The following C14orf39 variants were observed in gnomAD, a reference collection of about 807,000 sequenced individuals.
C14orf39 encodes protein SIX6OS1.
Under a neutral mutation model 85.6 loss-of-function variants are expected in C14orf39, and 66 were observed. The observed-to-expected ratio is 0.77, with a 90% CI of 0.63 to 0.95. The LOEUF (loss-of-function observed/expected upper bound fraction) is 0.95, where lower values mean the gene tolerates loss of function less well. Ranked by LOEUF, C14orf39 falls within the 40% of genes least tolerant of loss-of-function variation. C14orf39 has a pLI of 0.00. For synonymous variants in C14orf39, 242 were observed against 214.0 expected (o/e 1.13, Z -1.14); for missense variants, 735 against 663.9 (o/e 1.11, Z -1.18).
At chr14:60,508,766 G>A (rs1368031271) in intron 1 of C14orf39, among the ~76,000 whole-genome samples, 2 of 152,320 alleles carry the variant, frequency 1.3e-5, no homozygotes, top group South Asian at 4.1e-4. Flanking sequence ...GAGCATTTCA[G>A]TTTGGCCCAG....
At chr14:60,477,387 T>G (rs1469751798) in intron 5 of C14orf39, among the ~76,000 whole-genome samples, 1 of 152,206 alleles carries the variant, frequency 6.6e-6, no homozygotes, top group East Asian at 1.9e-4. Flanking sequence ...AAATAGATAC[T>G]GTTCTCATCC....
At chr14:60,474,849 G>C (rs1319788774) in intron 5 of C14orf39, among the ~76,000 whole-genome samples, 4 of 152,068 alleles carry the variant, frequency 2.6e-5, no homozygotes, top group African/African-American at 9.7e-5. Flanking sequence ...CAGGGATTTT[G>C]GTCTAAAATT....
At chr14:60,499,082 C>T (rs1336885321) in intron 2 of C14orf39, among the ~76,000 whole-genome samples, 2 of 151,990 alleles carry the variant, frequency 1.3e-5, no homozygotes, top group Non-Finnish European at 2.9e-5. Context: ...ATGGCAAAAC[C>T]CCATCTCTAC....
upstream of C14orf39, among the ~76,000 whole-genome samples, chr14:60,490,057 C>A (rs1892963100): frequency 6.6e-6 from 1 of 152,070 alleles, no homozygotes; most frequent in South Asian, 2.1e-4. Context: ...ATTTTTCTCC[C>A]ATCTCTCATA....
At position 60,456,911 on chromosome 14, in the gene C14orf39, T is replaced by C; in HGVS notation, c.1358+6A>G. On this transcript the variant is annotated splice_donor_region_variant and intron_variant, in intron 15 of 17. Transcript: ENST00000321731. Reference sequence around the variant, plus strand: ...ATTTAACAATAGTTATTAATTAAAATCCTACATTTCGAACGGGGGGGTTTT... The same window carrying C: ...ATTTAACAATAGTTATTAATTAAAACCCTACATTTCGAACGGGGGGGTTTT... The C allele has an allele frequency of 6.4e-7, 1 of 1,557,240 alleles. No individual in the cohort carries two copies. Among genetic ancestry groups the C allele is most frequent in the Non-Finnish European group, 8.6e-7 (1 of 1,157,242 alleles).
chr14:60,507,205 C>T (rs964451749), intron 1 of C14orf39, among the ~76,000 whole-genome samples: 8 of 152,174 alleles, frequency 5.3e-5, no homozygotes, highest in Non-Finnish European at 8.8e-5. Context: ...AAATAAACCT[C>T]TGCAAACTGG....
chr14:60,450,945 G>A (rs1891003414), intron 16 of C14orf39, among the ~76,000 whole-genome samples: 1 of 152,200 alleles, frequency 6.6e-6, no homozygotes, highest in Admixed American at 6.5e-5. Context: ...TATTGGGCTT[G>A]GAGCCCAAGT....
In C14orf39 at chr14:60,457,101, A is replaced by G; in HGVS notation, c.1180-6T>C. Reference sequence around the variant, plus strand: ...AAATGTTCAGTATATATAGCCTGCAAATTCAAAGTAACAGAAAACTATAAA... The same window carrying G: ...AAATGTTCAGTATATATAGCCTGCAGATTCAAAGTAACAGAAAACTATAAA... On this transcript the variant is annotated splice_region_variant and splice_polypyrimidine_tract_variant and intron_variant, in intron 14 of 17. Coordinates refer to ENST00000321731, the MANE Select transcript of C14orf39 (RefSeq NM_174978.3). The G allele has an allele frequency of 6.6e-7, 1 of 1,521,952 alleles. No homozygotes were observed. The highest frequency in any genetic ancestry group is 8.8e-7 in the Non-Finnish European group (1 of 1,133,518). The allele number at this position is 1,521,952 out of a possible 1,614,324, so 94.3% of individuals were successfully genotyped here. A position where few individuals can be genotyped will look rare whatever the true frequency, so the allele number is the denominator to read the frequency against.
At chr14:60,439,093 G>A (rs907608654) in intron 17 of C14orf39, among the ~76,000 whole-genome samples, 1 of 152,216 alleles carries the variant, frequency 6.6e-6, no homozygotes, top group African/African-American at 2.4e-5. Context: ...ATAAACGTCT[G>A]AGGTGATGGA....
chr14:60,508,320 A>G (rs1315382558), intron 1 of C14orf39, among the ~76,000 whole-genome samples: 1 of 152,034 alleles, frequency 6.6e-6, no homozygotes, highest in Admixed American at 6.5e-5. Context: ...CCTACCAATG[A>G]CTTCTCGGCT....
intron 3 of C14orf39, 34 bp from the exon 4 acceptor site, chr14:60,483,851 GA>G (rs770163125): frequency 7.3e-7 from 1 of 1,378,986 alleles, no homozygotes; most frequent in Non-Finnish European, 1.0e-6. Context: ...TCTTAATGTA[GA>G]AATAATAAGT....
chr14:60,489,470 A>T (rs904487263), upstream of C14orf39, among the ~76,000 whole-genome samples: 1 of 152,250 alleles, frequency 6.6e-6, no homozygotes, highest in Non-Finnish European at 1.5e-5. Flanking sequence ...TGCCCAGCAC[A>T]TAGTATATAG....
At chr14:60,464,507 T>TTTA (rs1431982881) in intron 11 of C14orf39, among the ~76,000 whole-genome samples, 1 of 152,140 alleles carries the variant, frequency 6.6e-6, no homozygotes, top group Non-Finnish European at 1.5e-5. Context: ...TCTTTGAAAG[T>TTTA]CTGTCAAACT....
At chr14:60,465,275 A>T (rs1021624562) in intron 11 of C14orf39, among the ~76,000 whole-genome samples, 15 of 152,146 alleles carry the variant, frequency 9.9e-5, no homozygotes, top group Admixed American at 1.3e-4. Context: ...CCAGTGGAAG[A>T]ACAATTATAT....
At chr14:60,465,168 T>C (rs140215870) in intron 11 of C14orf39, among the ~76,000 whole-genome samples, 283 of 152,264 alleles carry the variant, frequency 1.9e-3, no homozygotes, top group African/African-American at 6.3e-3. Context: ...CCTTATCACA[T>C]ATTGACATCA....
intron 16 of C14orf39, among the ~76,000 whole-genome samples, chr14:60,447,403 AACAG>A (rs773178667): frequency 6.6e-4 from 101 of 152,196 alleles, no homozygotes; most frequent in African/African-American, 1.5e-3. Flanking sequence ...ATACACCAAT[AACAG>A]ACAGAGAGCC....
chr14:60,448,186 G>C (rs1023279736), intron 16 of C14orf39, among the ~76,000 whole-genome samples: 1 of 152,088 alleles, frequency 6.6e-6, no homozygotes, highest in African/African-American at 2.4e-5. Flanking sequence ...AGCCAAAATA[G>C]ACAAATGGAA....
chr14:60,473,191 C>A (rs973440429), intron 5 of C14orf39, among the ~76,000 whole-genome samples: 2 of 152,198 alleles, frequency 1.3e-5, no homozygotes, highest in Non-Finnish European at 2.9e-5. Flanking sequence ...CTTTTGGCTG[C>A]ATAAATGTCT....
chr14:60,465,248 T>G (rs1353541908), intron 11 of C14orf39, among the ~76,000 whole-genome samples: 1 of 152,180 alleles, frequency 6.6e-6, no homozygotes, highest in Non-Finnish European at 1.5e-5. Flanking sequence ...TTTCACTAAT[T>G]ACTTTGGTCA....
Sources: gnomAD v4.1 joint callset for allele counts (sites outside exome capture counted in the v4.1 genomes callset) on GRCh38, gnomAD v4.1.1 for gene constraint, MANE v1.5 for transcripts, NCBI Gene and HGNC (gene_info 2026-07-23, HGNC 2026-07-21) for gene names.